WDFY1: variants seen among roughly 807,000 people sequenced by gnomAD.
WDFY1 encodes the protein WD repeat and FYVE domain-containing protein 1.
WDFY1 carries 32 observed loss-of-function variants against 56.4 expected under a neutral mutation model. The observed-to-expected ratio is 0.57, with a 90% confidence interval of 0.43 to 0.76. The LOEUF (loss-of-function observed/expected upper bound fraction) is 0.76. WDFY1 is among the 30% of genes least tolerant of loss of function. The probability of loss-of-function intolerance (pLI) is 0.00; values close to 1 mark genes in which losing one functional copy is unlikely to be tolerated. For missense variants in WDFY1, 480 were observed against 545.7 expected (o/e 0.88, Z 1.20); for synonymous variants, 192 against 197.3 (o/e 0.97, Z 0.23).
At chr2:223,907,774 G>A (rs565083858) in intron 3 of WDFY1, among the ~76,000 whole-genome samples, 110 of 152,306 alleles carry the variant, frequency 7.2e-4, no homozygotes, top group African/African-American at 2.5e-3. Context: ...GCCTGCTGCT[G>A]TGTGAACTGC....
At chr2:223,887,210 G>A (rs1693187082) in intron 8 of WDFY1, among the ~76,000 whole-genome samples, 1 of 152,206 alleles carries the variant, frequency 6.6e-6, no homozygotes, top group Admixed American at 6.5e-5. Context: ...ACTACCTGGG[G>A]ACACTGTCCC....
chr2:223,928,249 C>G (rs1309529022), intron 1 of WDFY1, among the ~76,000 whole-genome samples: 3 of 152,066 alleles, frequency 2.0e-5, no homozygotes, highest in Non-Finnish European at 4.4e-5. Flanking sequence ...TTGCCATAAA[C>G]CTTCAATGTG....
At chr2:223,918,749 G>T (rs1051603008) in intron 1 of WDFY1, among the ~76,000 whole-genome samples, 1 of 152,210 alleles carries the variant, frequency 6.6e-6, no homozygotes, top group African/African-American at 2.4e-5. Flanking sequence ...GACCGTCTGG[G>T]CCGAGAGGAA....
rs1693353969 is a variant in WDFY1 at position 223,895,641 on chromosome 2, G to A, written c.599-11C>T. 6.2e-7 allele frequency: 1 copy of A among 1,613,306 alleles called. No individual in the cohort carries two copies. Among genetic ancestry groups the A allele is most frequent in the Non-Finnish European group, 8.5e-7 (1 of 1,179,718 alleles). The stretch of plus-strand genomic sequence containing the variant: ...GGCAGGCGACACTACCTAGGGATTT[G>A]TGAGAGAGAGAGAGAGAGGGAGGCA... On this transcript the variant is annotated splice_polypyrimidine_tract_variant and intron_variant, in intron 6 of 11. Coordinates refer to ENST00000233055, the MANE Select transcript of WDFY1 (RefSeq NM_020830.5).
intron 3 of WDFY1, among the ~76,000 whole-genome samples, chr2:223,908,576 G>T (rs1483493761): frequency 6.6e-6 from 1 of 152,104 alleles, no homozygotes; most frequent in East Asian, 1.9e-4. Context: ...CAGTCCTCTG[G>T]CTTTTCTTTA....
chr2:223,889,823 G>A (rs1693237692), intron 8 of WDFY1, among the ~76,000 whole-genome samples: 1 of 152,188 alleles, frequency 6.6e-6, no homozygotes, highest in South Asian at 2.1e-4. Flanking sequence ...AATACTACGT[G>A]GCATACAATA....
chr2:223,876,267 CTG>C lies in WDFY1; in HGVS notation c.*2402_*2403del, dbSNP rs1692969509. 1 of 152,452 alleles carries C rather than the reference CTG, an allele frequency of 6.6e-6. No homozygotes were observed. The highest frequency in any genetic ancestry group is 6.6e-5 in the Admixed American group (1 of 15,248). 9.4% of individuals were successfully genotyped at this position (152,452 alleles called of 1,614,324 possible). A position where few individuals can be genotyped will look rare whatever the true frequency, so the allele number is the denominator to read the frequency against. On this transcript the variant is annotated 3_prime_UTR_variant, in exon 12 of 12. Coordinates refer to ENST00000233055, the MANE Select transcript of WDFY1 (RefSeq NM_020830.5). ...ATTCAGGAATGGAACAACCAGTAAACTGTTACTTGAAGAACTAATTTAAATGA... is the reference window on the plus strand; with the variant it reads ...ATTCAGGAATGGAACAACCAGTAAACTTACTTGAAGAACTAATTTAAATGA...
chr2:223,891,587 T>C (rs1693280346), intron 8 of WDFY1, among the ~76,000 whole-genome samples: 1 of 152,066 alleles, frequency 6.6e-6, no homozygotes, highest in Non-Finnish European at 1.5e-5. Flanking sequence ...ATGCCTTGAT[T>C]GATGGGACTA....
chr2:223,884,328 G>A (rs369935679), intron 9 of WDFY1, among the ~76,000 whole-genome samples: 99 of 152,064 alleles, frequency 6.5e-4, no homozygotes, highest in African/African-American at 2.3e-3. Context: ...TTTTGTTCTT[G>A]GCTAGCATAA....
rs1692974396 is a variant in WDFY1 at position 223,876,479 on chromosome 2, A to G, written c.*2192T>C. ...CCTGTCACGTTTGTCTCTAAAAAGAAAAATGATAGGCCTGGTGGAGAGCAA... is the reference window on the plus strand; with the variant it reads ...CCTGTCACGTTTGTCTCTAAAAAGAGAAATGATAGGCCTGGTGGAGAGCAA... On this transcript the variant is annotated 3_prime_UTR_variant, in exon 12 of 12. Coordinates refer to ENST00000233055, the MANE Select transcript of WDFY1 (RefSeq NM_020830.5). The G allele has an allele frequency of 6.6e-6, 1 of 152,568 alleles. No homozygotes were observed. Among genetic ancestry groups the G allele is most frequent in the Non-Finnish European group, 1.5e-5 (1 of 68,012 alleles). The allele number at this position is 152,568 out of a possible 1,614,324, so 9.5% of individuals were successfully genotyped here.
chr2:223,898,626 G>A (rs973727254), intron 6 of WDFY1, among the ~76,000 whole-genome samples: 3 of 152,070 alleles, frequency 2.0e-5, no homozygotes, highest in East Asian at 1.9e-4. Context: ...GGCTGGTCTC[G>A]AACTCCTGGC....
At chr2:223,915,629 A>C (rs925993752) in intron 2 of WDFY1, among the ~76,000 whole-genome samples, 1 of 152,224 alleles carries the variant, frequency 6.6e-6, no homozygotes, top group Non-Finnish European at 1.5e-5. Context: ...AGTGGGAAGC[A>C]TAAGAGCCAT....
intron 3 of WDFY1, among the ~76,000 whole-genome samples, chr2:223,911,668 G>A (rs1693705488): frequency 6.6e-6 from 1 of 151,178 alleles, no homozygotes. Context: ...GCTGCTATAG[G>A]TGACGTATTC....
chr2:223,913,191 C>T (rs922964343), intron 2 of WDFY1, among the ~76,000 whole-genome samples: 2 of 91,076 alleles, frequency 2.2e-5, no homozygotes, highest in Non-Finnish European at 4.1e-5. Context: ...TCAGCCTGGA[C>T]AACACAGTGA....
intron 9 of WDFY1, among the ~76,000 whole-genome samples, chr2:223,883,458 A>G (rs933016294): frequency 1.3e-5 from 2 of 152,168 alleles, no homozygotes; most frequent in African/African-American, 4.8e-5. Context: ...TACTTCACCT[A>G]TTAATTATAC....
At chr2:223,928,222 AC>A (rs768142877) in intron 1 of WDFY1, among the ~76,000 whole-genome samples, 4 of 152,228 alleles carry the variant, frequency 2.6e-5, no homozygotes, top group Non-Finnish European at 5.9e-5. Context: ...GCACAGATAG[AC>A]TTGCCTGGTG....
rs554001906 is a variant in WDFY1, at chr2:223,895,529, G to A, written c.700C>T (p.Arg234Trp). 4 of 1,613,926 alleles carry A rather than the reference G, an allele frequency of 2.5e-6. No individual in the cohort carries two copies. Among genetic ancestry groups the A allele is most frequent in the East Asian group, 2.2e-5 (1 of 44,864 alleles). ...IMWDIGGRKG[R>W]TLLLQGHHDK... Reference sequence around the variant, plus strand: ...TGATGGCCCTGAAGTAACAGCGTCCGGCCTTTCCTTCCTCCGATGTCCCAC... The same window carrying A: ...TGATGGCCCTGAAGTAACAGCGTCCAGCCTTTCCTTCCTCCGATGTCCCAC... Residue 234 changes from arginine to tryptophan, a missense_variant, in exon 7 of 12, where the codon CGG (arginine) becomes TGG (tryptophan). Physicochemically the swap from Arg to Trp is moderately radical, Grantham distance 101. Transcript: ENST00000233055.
rs541221583 is a variant in WDFY1, at chr2:223,876,636, T to C, written c.*2035A>G. The C allele has an allele frequency of 6.6e-6, 1 of 152,178 alleles. No homozygotes were observed. The highest frequency in any genetic ancestry group is 1.5e-5 in the Non-Finnish European group (1 of 68,030). 9.4% of individuals were successfully genotyped at this position (152,178 alleles called of 1,614,324 possible). ...AATAACTTTATGTTCCCATGGAACATAGGGTTTTTCAAGAATTTCTTAAAA... is the reference window on the plus strand; with the variant it reads ...AATAACTTTATGTTCCCATGGAACACAGGGTTTTTCAAGAATTTCTTAAAA... On this transcript the variant is annotated 3_prime_UTR_variant, in exon 12 of 12. Transcript: ENST00000233055.
intron 1 of WDFY1, among the ~76,000 whole-genome samples, chr2:223,932,279 C>T (rs1055384189): frequency 2.0e-5 from 3 of 151,940 alleles, no homozygotes; most frequent in East Asian, 1.9e-4. Flanking sequence ...CCTGCCACCA[C>T]GCCTGGCTAA....
Sources: gnomAD v4.1 joint callset for allele counts (sites outside exome capture counted in the v4.1 genomes callset) on GRCh38, gnomAD v4.1.1 for gene constraint, MANE v1.5 for transcripts, NCBI Gene and HGNC (gene_info 2026-07-23, HGNC 2026-07-21) for gene names.